The following TMEM268 variants were observed in gnomAD, a reference collection of about 807,000 sequenced individuals.
TMEM268 encodes the protein transmembrane protein C9orf91.
Under a neutral mutation model 39.1 loss-of-function variants are expected in TMEM268, and 24 were observed. The observed-to-expected ratio is 0.61, with a 90% CI of 0.44 to 0.86. The LOEUF (loss-of-function observed/expected upper bound fraction) is 0.86. TMEM268 is among the 40% of genes least tolerant of loss of function. The probability of loss-of-function intolerance (pLI) is 0.00; values close to 1 mark genes in which losing one functional copy is unlikely to be tolerated. For synonymous variants in TMEM268, 176 were observed against 173.5 expected (o/e 1.01, Z -0.12); for missense variants, 409 against 428.6 (o/e 0.95, Z 0.40).
upstream of TMEM268, among the ~76,000 whole-genome samples, chr9:114,609,421 C>A (rs1016136367): frequency 6.6e-6 from 1 of 152,142 alleles, no homozygotes; most frequent in Non-Finnish European, 1.5e-5. Context: ...GTAATCCCAG[C>A]ACTTTGGGAG....
intron 8 of TMEM268, among the ~76,000 whole-genome samples, chr9:114,641,614 A>G (rs1827340683): frequency 6.6e-6 from 1 of 151,810 alleles, no homozygotes; most frequent in Non-Finnish European, 1.5e-5. Flanking sequence ...GTTCAAGACC[A>G]GCCTGAGCAA....
chr9:114,606,211 T>C (rs1399412912), upstream of TMEM268, among the ~76,000 whole-genome samples: 1 of 152,148 alleles, frequency 6.6e-6, no homozygotes, highest in East Asian at 1.9e-4. Flanking sequence ...GCACTTGTCT[T>C]TCTGTTCATA....
At chr9:114,613,635 G>T (rs922337681) in intron 1 of TMEM268, among the ~76,000 whole-genome samples, 1 of 152,228 alleles carries the variant, frequency 6.6e-6, no homozygotes, top group African/African-American at 2.4e-5. Flanking sequence ...CCTGCTGTGG[G>T]CCAGGTGAGG....
rs1478622866 is a variant in TMEM268 at position 114,628,160 on chromosome 9, G to A, written c.384G>A (p.Gly128=). The change falls in exon 5 of 9, where the codon GGG becomes GGA. Residue 128 remains glycine, a synonymous_variant. Coordinates refer to ENST00000288502, the MANE Select transcript of TMEM268 (RefSeq NM_153045.4). ...IYSTSQMFAL[G]NHWAGMLLVT... ...CTACCAGTCAGATGTTTGCCTTGGG[G>A]AACCACTGGGCTGGCATGCTGCTCG... is the stretch of plus-strand genomic sequence containing the variant. The A allele has an allele frequency of 5.6e-6, 9 of 1,614,050 alleles. No homozygotes were observed. In the African/African-American group the frequency reaches 1.1e-4, roughly 19 times the overall value.
At chr9:114,637,288 C>CTTT (rs33946644) in intron 7 of TMEM268, among the ~76,000 whole-genome samples, 5 of 127,338 alleles carry the variant, frequency 3.9e-5, no homozygotes, top group Admixed American at 8.0e-5. Flanking sequence ...TATATTTCTT[C>CTTT]TTTTTTTTTT....
chr9:114,624,722 C>A (rs546672327), intron 3 of TMEM268, among the ~76,000 whole-genome samples: 1 of 152,340 alleles, frequency 6.6e-6, no homozygotes, highest in African/African-American at 2.4e-5. Context: ...GACACAGTAC[C>A]TATGTCCACA....
chr9:114,631,871 T>A (rs978517111), intron 5 of TMEM268, among the ~76,000 whole-genome samples: 3 of 151,704 alleles, frequency 2.0e-5, no homozygotes, highest in Non-Finnish European at 2.9e-5. Context: ...GAGGCTGAGG[T>A]GGGAGAATTG....
chr9:114,612,284 T>C (rs1321600529), intron 1 of TMEM268, among the ~76,000 whole-genome samples: 1 of 152,134 alleles, frequency 6.6e-6, no homozygotes, highest in Non-Finnish European at 1.5e-5. Context: ...CTCTACGGGC[T>C]GAAAAAGAGG....
intron 5 of TMEM268, among the ~76,000 whole-genome samples, chr9:114,631,279 C>T (rs1186658258): frequency 1.1e-5 from 1 of 87,434 alleles, no homozygotes; most frequent in African/African-American, 5.1e-5. Context: ...CTCCAGCCTG[C>T]CTCAAAAAAA....
At chr9:114,617,446 C>T (rs1589329808) in intron 2 of TMEM268, 145 bp downstream of exon 2, 3 of 685,926 alleles carry the variant, frequency 4.4e-6, no homozygotes, top group Non-Finnish European at 7.8e-6. Context: ...TGTCTCTTGG[C>T]CTTAGACCAA....
At chr9:114,638,142 A>C (rs1253591669) in intron 7 of TMEM268, among the ~76,000 whole-genome samples, 2 of 152,110 alleles carry the variant, frequency 1.3e-5, no homozygotes, top group Non-Finnish European at 2.9e-5. Flanking sequence ...CCCAGGTTCA[A>C]GCGATTCTCA....
Position 114,637,088 on chromosome 9 carries a change from A to G in TMEM268, c.666+18A>G. The G allele has an allele frequency of 6.4e-7, 1 of 1,550,528 alleles. No individual in the cohort carries two copies. Among genetic ancestry groups the G allele is most frequent in the Non-Finnish European group, 8.9e-7 (1 of 1,123,526 alleles). On this transcript the variant is annotated intron_variant, in intron 7 of 8. Transcript: ENST00000288502. The stretch of plus-strand genomic sequence containing the variant: ...GCCAAGAGGTAAGATATCTTCAGTG[A>G]AAAAACAAAACAAAAACCAGGAGGC...
chr9:114,625,931 A>G (rs1313962966), intron 3 of TMEM268, among the ~76,000 whole-genome samples: 5 of 151,844 alleles, frequency 3.3e-5, no homozygotes, highest in South Asian at 2.1e-4. Context: ...GCTTCAAGCA[A>G]TTCTCCTGCC....
chr9:114,610,266 C>T (rs62578855), upstream of TMEM268, among the ~76,000 whole-genome samples: 14 of 152,218 alleles, frequency 9.2e-5, no homozygotes, highest in African/African-American at 3.1e-4. Context: ...CTCGAACTCC[C>T]GACCTCAGGT....
At chr9:114,622,185 A>G in intron 2 of TMEM268, 1 of 985,382 alleles carries the variant, frequency 1.0e-6, no homozygotes. Context: ...GGAGTGAGTC[A>G]TTTGGCTTTG....
At position 114,644,393 on chromosome 9, in the gene TMEM268, CT is replaced by C. The variant is rs1827487644; in HGVS notation, c.*1083del. The C allele has an allele frequency of 6.6e-6, 1 of 152,434 alleles. No individual in the cohort carries two copies. Among genetic ancestry groups the C allele is most frequent in the Admixed American group, 6.5e-5 (1 of 15,276 alleles). 9.4% of individuals were successfully genotyped at this position (152,434 alleles called of 1,614,324 possible). ...CAAAGTCCAGCTTTCTTAAGCCCTT[CT>C]TTAGGAAGCCTTCCCACACAGCCAA... On this transcript the variant is annotated 3_prime_UTR_variant, in exon 9 of 9. Transcript: ENST00000288502.
intron 1 of TMEM268, among the ~76,000 whole-genome samples, chr9:114,614,429 G>T (rs901517770): frequency 6.6e-6 from 1 of 152,174 alleles, no homozygotes; most frequent in African/African-American, 2.4e-5. Flanking sequence ...CTGTGCTGTC[G>T]CCATCTTGAA....
chr9:114,611,904 A>G (rs1478619062), intron 1 of TMEM268, among the ~76,000 whole-genome samples: 1 of 152,234 alleles, frequency 6.6e-6, no homozygotes, highest in Admixed American at 6.5e-5. Flanking sequence ...ACAGCTGCCC[A>G]AGGCCAAGGC....
In TMEM268 at chr9:114,625,836, T is replaced by G. The variant is rs184089592; in HGVS notation, c.217-1063T>G. Among the ~76,000 whole-genome samples the G allele has an allele frequency of 3.1e-3, 472 of 151,902 alleles. 3 individuals carry two copies. The highest frequency in any genetic ancestry group is 0.011 in the African/African-American group (446 of 41,400). On this transcript the variant is annotated intron_variant, in intron 3 of 8. Coordinates refer to ENST00000288502, the MANE Select transcript of TMEM268 (RefSeq NM_153045.4). The stretch of plus-strand genomic sequence containing the variant: ...AATTCAATTCAATTAATTAATTAAT[T>G]AATTTTTTGAGACAGAGTCTTGCTC...
Sources: gnomAD v4.1 joint callset for allele counts (sites outside exome capture counted in the v4.1 genomes callset) on GRCh38, gnomAD v4.1.1 for gene constraint, MANE v1.5 for transcripts, NCBI Gene and HGNC (gene_info 2026-07-23, HGNC 2026-07-21) for gene names.